Variants in MAST4 observed in about 807,000 individuals in gnomAD.
MAST4 encodes the protein microtubule-associated serine/threonine-protein kinase 4.
MAST4 carries 89 observed loss-of-function variants against 162.7 expected under a neutral mutation model. The ratio of observed to expected loss-of-function variants is 0.55; its 90% confidence interval spans 0.46 to 0.65. The LOEUF (loss-of-function observed/expected upper bound fraction) is 0.65. Ranked by LOEUF, MAST4 falls within the 30% of genes least tolerant of loss-of-function variation. The pLI is 0.00. For synonymous variants in MAST4, 1,479 were observed against 1,361.1 expected (o/e 1.09, Z -1.91); for missense variants, 3,153 against 3,374.0 (o/e 0.93, Z 1.62).
chr5:67,057,962 C>T (rs1291140251), intron 5 of MAST4, among the ~76,000 whole-genome samples: 1 of 150,252 alleles, frequency 6.7e-6, no homozygotes, highest in Admixed American at 6.6e-5. Context: ...AAAAAGTGGC[C>T]AGGCACAGTG....
chr5:66,890,530 AG>A (rs1191554132), intron 3 of MAST4, among the ~76,000 whole-genome samples: 1 of 152,210 alleles, frequency 6.6e-6, no homozygotes, highest in African/African-American at 2.4e-5. Flanking sequence ...CTGCTTTAAA[AG>A]GTCTGTGTTA....
chr5:66,930,487 G>T (rs542418171), intron 4 of MAST4, among the ~76,000 whole-genome samples: 3 of 152,244 alleles, frequency 2.0e-5, no homozygotes, highest in East Asian at 3.9e-4. Flanking sequence ...TCAGTAAGAC[G>T]TTCATTGTAT....
chr5:66,758,222 CAGGTG>C (rs565650831), intron 1 of MAST4, among the ~76,000 whole-genome samples: 8 of 151,852 alleles, frequency 5.3e-5, no homozygotes, highest in Non-Finnish European at 1.2e-4. Flanking sequence ...GCTTGAAATC[CAGGTG>C]TTAGGTCTTA....
At chr5:66,748,653 C>T (rs1372988524) in intron 1 of MAST4, among the ~76,000 whole-genome samples, 1 of 151,506 alleles carries the variant, frequency 6.6e-6, no homozygotes, top group Non-Finnish European at 1.5e-5. Context: ...CCACACCCAG[C>T]TAATTTTTGT....
chr5:66,658,311 A>G (rs1019763126), intron 1 of MAST4, among the ~76,000 whole-genome samples: 1 of 152,210 alleles, frequency 6.6e-6, no homozygotes, highest in Admixed American at 6.5e-5. Flanking sequence ...TGTCTGGACT[A>G]AAAAGGAATG....
intron 18 of MAST4, among the ~76,000 whole-genome samples, 200 bp downstream of exon 18, chr5:67,134,888 G>T (rs1222940593): frequency 1.3e-5 from 2 of 152,168 alleles, no homozygotes; most frequent in Non-Finnish European, 2.9e-5. Context: ...TTGATCTGAA[G>T]AAATGTTGTT....
intron 1 of MAST4, among the ~76,000 whole-genome samples, chr5:66,643,839 A>G (rs987824953): frequency 6.6e-6 from 1 of 151,306 alleles, no homozygotes; most frequent in East Asian, 1.9e-4. Flanking sequence ...TTCTGATTCT[A>G]AGGGATTTAT....
intron 1 of MAST4, among the ~76,000 whole-genome samples, chr5:66,658,947 A>G (rs555961739): frequency 5.8e-4 from 88 of 152,280 alleles, no homozygotes; most frequent in Non-Finnish European, 1.0e-3. Context: ...GCTTGAGTCC[A>G]GGAGTTCAAG....
At chr5:66,626,533 T>C (rs1744440857) in intron 1 of MAST4, among the ~76,000 whole-genome samples, 1 of 152,198 alleles carries the variant, frequency 6.6e-6, no homozygotes, top group Non-Finnish European at 1.5e-5. Context: ...GACAGTAATA[T>C]CTGCTTAAAA....
At chr5:66,667,511 C>G (rs1251620144) in intron 1 of MAST4, among the ~76,000 whole-genome samples, 1 of 152,100 alleles carries the variant, frequency 6.6e-6, no homozygotes, top group Non-Finnish European at 1.5e-5. Context: ...TTTATGTGGC[C>G]AGAACTAGGT....
At position 66,959,425 on chromosome 5, in the gene MAST4, C is replaced by T. The variant is rs572225252; in HGVS notation, c.674+59443C>T. 251 of 699,584 alleles carry T rather than the reference C, an allele frequency of 3.6e-4. 1 individual carries two copies. The highest frequency in any genetic ancestry group is 1.1e-3 in the Admixed American group (53 of 49,910). 43.3% of individuals were successfully genotyped at this position (699,584 alleles called of 1,614,324 possible). A position where few individuals can be genotyped will look rare whatever the true frequency, so the allele number is the denominator to read the frequency against. On this transcript the variant is annotated intron_variant, in intron 4 of 28. Transcript: ENST00000403625. ...TGCAGTGTGAGGTGGAGGAACATGT[C>T]TTAAATGCATGGCATTTGGTTTCAG... is the stretch of plus-strand genomic sequence containing the variant.
intron 1 of MAST4, among the ~76,000 whole-genome samples, chr5:66,615,097 A>T (rs1743582406): frequency 6.6e-6 from 1 of 152,192 alleles, no homozygotes; most frequent in African/African-American, 2.4e-5. Context: ...CTTTGTAAAA[A>T]GTTTAAACCT....
At chr5:67,090,016 C>CAA in intron 5 of MAST4, 146 bp from the exon 6 acceptor site, 1 of 556,284 alleles carries the variant, frequency 1.8e-6, no homozygotes, top group Non-Finnish European at 3.2e-6. Flanking sequence ...ACCCCACCAT[C>CAA]CCTGGTCCAG....
In MAST4 at chr5:66,828,986, A is replaced by C. The variant is rs750521143; in HGVS notation, c.642+40192A>C. ...CTTTACTGGGCACGAATATGTGCAT[A>C]ATTCTTAGTATCTACATGGCAACGC... On this transcript the variant is annotated intron_variant, in intron 3 of 28. Transcript: ENST00000403625. 7 of 926,418 alleles carry C rather than the reference A, an allele frequency of 7.6e-6. No homozygotes were observed. The African/African-American group carries it at 1.1e-4, about 15-fold the overall frequency. The allele number at this position is 926,418 out of a possible 1,614,324, so 57.4% of individuals were successfully genotyped here.
intron 1 of MAST4, among the ~76,000 whole-genome samples, chr5:66,600,028 T>G (rs2149380656): frequency 6.6e-6 from 1 of 152,308 alleles, no homozygotes; most frequent in South Asian, 2.1e-4. Flanking sequence ...TTTGGCAACC[T>G]TGTTAAAACT....
At chr5:66,694,568 C>T (rs1460976604) in intron 1 of MAST4, among the ~76,000 whole-genome samples, 1 of 152,038 alleles carries the variant, frequency 6.6e-6, no homozygotes, top group Non-Finnish European at 1.5e-5. Context: ...TTCACTGCAA[C>T]CTCTACCTCC....
intron 1 of MAST4, among the ~76,000 whole-genome samples, chr5:66,698,438 C>G (rs921399601): frequency 2.0e-5 from 3 of 151,888 alleles, no homozygotes; most frequent in East Asian, 1.9e-4. Flanking sequence ...TGTCCTACCC[C>G]CTTGCTGGCT....
intron 1 of MAST4, among the ~76,000 whole-genome samples, chr5:66,703,800 A>C (rs74624517): frequency 4.7e-4 from 72 of 152,312 alleles, no homozygotes; most frequent in Middle Eastern, 3.4e-3. Context: ...GGAGGAAAGA[A>C]GTATGTTTAT....
At chr5:67,061,155 A>ACT (rs201299679) in intron 5 of MAST4, among the ~76,000 whole-genome samples, 1 of 136,966 alleles carries the variant, frequency 7.3e-6, no homozygotes, top group East Asian at 2.3e-4. Flanking sequence ...TCCTGTATGT[A>ACT]CTCTGTGTGT....
Sources: allele counts gnomAD v4.1 joint callset (sites outside exome capture counted in the v4.1 genomes callset), GRCh38; gene constraint gnomAD v4.1.1; transcripts MANE v1.5; gene names NCBI Gene and HGNC (gene_info 2026-07-23, HGNC 2026-07-21).